The following SGCE variants were observed in gnomAD, a reference collection of about 807,000 sequenced individuals.
The protein encoded by SGCE is epsilon-sarcoglycan.
In SGCE, 26 loss-of-function variants were observed where a neutral mutation model predicts 57.8. The observed-to-expected ratio is 0.45, with a 90% CI of 0.33 to 0.62. The LOEUF is 0.62. Ranked by LOEUF, SGCE falls within the 20% of genes least tolerant of loss-of-function variation. The pLI, the probability that SGCE is intolerant of heterozygous loss-of-function variation, is 0.02. For missense variants in SGCE, 468 were observed against 548.6 expected (o/e 0.85, Z 1.47); for synonymous variants, 183 against 189.5 (o/e 0.97, Z 0.28).
intron 9 of SGCE, among the ~76,000 whole-genome samples, chr7:94,596,750 AT>A (rs751540996): frequency 1.2e-4 from 19 of 152,162 alleles, no homozygotes; most frequent in Non-Finnish European, 2.6e-4. Flanking sequence ...TTCATAAACA[AT>A]TTGGTTAGCT....
chr7:94,649,537 C>T (rs1350981471), intron 1 of SGCE, among the ~76,000 whole-genome samples: 1 of 152,176 alleles, frequency 6.6e-6, no homozygotes, highest in African/African-American at 2.4e-5. Flanking sequence ...GCCAGAAACT[C>T]ATCTTTGAGC....
intron 3 of SGCE, chr7:94,625,019 T>C (rs938694064): frequency 6.6e-6 from 1 of 152,042 alleles, no homozygotes; most frequent in African/African-American, 2.4e-5. Flanking sequence ...CAATGAGACA[T>C]TTAACTGCTG....
chr7:94,585,980 C>G (rs975541643), intron 10 of SGCE, among the ~76,000 whole-genome samples: 1 of 134,270 alleles, frequency 7.4e-6, no homozygotes, highest in Non-Finnish European at 1.5e-5. Flanking sequence ...AGCTAGTGCT[C>G]AAGTCCAGGA....
Position 94,618,936 on chromosome 7 carries a change from C to T in SGCE, c.484G>A (p.Ala162Thr), listed in dbSNP as rs780640982. 6.2e-7 allele frequency: 1 copy of T among 1,613,392 alleles called. No individual in the cohort carries two copies. The highest frequency in any genetic ancestry group is 1.7e-5 in the Admixed American group (1 of 60,016). Residue 162 changes from alanine (A) to threonine (T), a missense_variant, in exon 5 of 11, where the codon GCA (alanine) becomes ACA (threonine). By Grantham distance (58) the Ala-to-Thr change is moderately conservative. Transcript: ENST00000648936. ...SAEDFPLPYQ[A>T]EFFIKNMNVE... is the part of the protein sequence containing the mutation. ...TTCATATTCTTAATGAAGAATTCTG[C>T]TTGATATGGCAACGGGAAGTCTAAT...
At chr7:94,649,452 C>A (rs183086813) in intron 1 of SGCE, among the ~76,000 whole-genome samples, 1 of 152,200 alleles carries the variant, frequency 6.6e-6, no homozygotes, top group Admixed American at 6.5e-5. Flanking sequence ...AGCAGGGGAG[C>A]CAGAGCCAGA....
At chr7:94,590,767 T>G (rs1797566516) in intron 9 of SGCE, 1 of 152,168 alleles carries the variant, frequency 6.6e-6, no homozygotes, top group Admixed American at 6.5e-5. Flanking sequence ...TCTTTGTCCC[T>G]CATGCTGGCC....
intron 6 of SGCE, among the ~76,000 whole-genome samples, chr7:94,602,824 T>C (rs961488599): frequency 2.2e-4 from 34 of 152,178 alleles, no homozygotes; most frequent in Non-Finnish European, 1.5e-5. Context: ...TCACTTGGAA[T>C]TGTCTCTTGT....
Position 94,656,129 on chromosome 7 carries a change from T to TTCTCC in SGCE, c.-32_-31insGGAGA, listed in dbSNP as rs777001642. The TTCTCC allele has an allele frequency of 1.6e-6, 2 of 1,281,702 alleles. No individual in the cohort carries two copies. Among genetic ancestry groups the TTCTCC allele is most frequent in the Admixed American group, 1.7e-5 (1 of 59,098 alleles). The allele number at this position is 1,281,702 out of a possible 1,614,324, so 79.4% of individuals were successfully genotyped here. A position where few individuals can be genotyped will look rare whatever the true frequency, so the allele number is the denominator to read the frequency against. On this transcript the variant is annotated 5_prime_UTR_variant, in exon 1 of 11. Coordinates refer to ENST00000648936, the MANE Select transcript of SGCE (RefSeq NM_003919.3). ...GCCTGGCTAGGCCGTCCGTCCTCGA[T>TTCTCC]TCTCCCCTCCCCTCCCTTTCTTCTT...
At chr7:94,607,402 T>C (rs1349919264) in intron 5 of SGCE, among the ~76,000 whole-genome samples, 1 of 152,022 alleles carries the variant, frequency 6.6e-6, no homozygotes, top group Non-Finnish European at 1.5e-5. Context: ...GCAAAAATCC[T>C]CAACAAAATA....
Position 94,598,612 on chromosome 7 carries a change from G to A in SGCE, c.1253+163C>T, listed in dbSNP as rs554333082. 3.7e-5 allele frequency: 25 copies of A among 667,122 alleles called. No homozygotes were observed. In the Middle Eastern group the frequency reaches 1.9e-3, roughly 50 times the overall value. 41.3% of individuals were successfully genotyped at this position (667,122 alleles called of 1,614,324 possible). A position where few individuals can be genotyped will look rare whatever the true frequency, so the allele number is the denominator to read the frequency against. On this transcript the variant is annotated intron_variant, in intron 9 of 10. Transcript: ENST00000648936. ...TGCATTTCCTAAAAGTAATTGTATT[G>A]TATATTTCAGGAGAGTAGGGGTGAG... is the stretch of plus-strand genomic sequence containing the variant.
chr7:94,585,819 A>G (rs1426393890), intron 10 of SGCE, among the ~76,000 whole-genome samples: 1 of 152,088 alleles, frequency 6.6e-6, no homozygotes, highest in East Asian at 1.9e-4. Context: ...AGGATGTATA[A>G]CTGTACCTTT....
intron 9 of SGCE, among the ~76,000 whole-genome samples, chr7:94,594,180 T>A (rs767595136): frequency 2.0e-5 from 3 of 152,132 alleles, no homozygotes; most frequent in African/African-American, 4.8e-5. Flanking sequence ...AGATTTTTGA[T>A]GTGAAGTCTT....
At chr7:94,601,443 CA>C (rs71123905) in intron 6 of SGCE, among the ~76,000 whole-genome samples, 1,758 of 88,018 alleles carry the variant, frequency 0.02, 5 homozygotes, top group Non-Finnish European at 0.025. Flanking sequence ...ATCCCAGTAT[CA>C]AAAAAAAAAA....
chr7:94,617,176 A>C (rs977980005), intron 5 of SGCE: 1 of 152,312 alleles, frequency 6.6e-6, no homozygotes, highest in South Asian at 2.1e-4. Flanking sequence ...CCAGGAACCT[A>C]TCTATATTTT....
intron 1 of SGCE, chr7:94,639,359 C>A: frequency 6.5e-7 from 1 of 1,532,642 alleles, no homozygotes. Flanking sequence ...ATCCCAGCAG[C>A]CATTTTTCTG....
At chr7:94,630,996 G>T (rs550420988) in intron 1 of SGCE, among the ~76,000 whole-genome samples, 2 of 152,086 alleles carry the variant, frequency 1.3e-5, no homozygotes, top group African/African-American at 4.8e-5. Context: ...AGAAAAGGGG[G>T]AACTGAGCTA....
At chr7:94,637,463 A>G (rs774616767) in intron 1 of SGCE, among the ~76,000 whole-genome samples, 4 of 152,202 alleles carry the variant, frequency 2.6e-5, no homozygotes, top group Non-Finnish European at 5.9e-5. Context: ...CAGTAGATTC[A>G]AGATGGAGGG....
intron 5 of SGCE, among the ~76,000 whole-genome samples, chr7:94,608,811 T>C (rs2116788032): frequency 6.6e-6 from 1 of 152,238 alleles, no homozygotes; most frequent in South Asian, 2.1e-4. Flanking sequence ...GCAAAGGCAA[T>C]ACAATGGAGG....
At chr7:94,628,083 T>C (rs1804022986) in intron 3 of SGCE, 119 bp downstream of exon 3, 1 of 741,932 alleles carries the variant, frequency 1.3e-6, no homozygotes, top group Non-Finnish European at 2.3e-6. Context: ...GCACAAAATA[T>C]TAAAAACCAC....
Sources: allele counts gnomAD v4.1 joint callset (sites outside exome capture counted in the v4.1 genomes callset), GRCh38; gene constraint gnomAD v4.1.1; transcripts MANE v1.5; gene names NCBI Gene and HGNC (gene_info 2026-07-23, HGNC 2026-07-21).